CDH4: variants seen among roughly 807,000 people sequenced by gnomAD.
CDH4 encodes the protein cadherin 4.
In CDH4, 33 loss-of-function variants were observed where a neutral mutation model predicts 86.0. The ratio of observed to expected loss-of-function variants is 0.38; its 90% CI spans 0.29 to 0.51. The LOEUF (loss-of-function observed/expected upper bound fraction) is 0.51. Ranked by LOEUF, CDH4 falls within the 20% of genes least tolerant of loss-of-function variation. The pLI, the probability that CDH4 is intolerant of heterozygous loss-of-function variation, is 0.86. For missense variants in CDH4, 1,114 were observed against 1,307.4 expected (o/e 0.85, Z 2.28); for synonymous variants, 555 against 549.4 (o/e 1.01, Z -0.14).
At chr20:61,682,280 G>GGACA (rs1390967071) in intron 2 of CDH4, among the ~76,000 whole-genome samples, 1 of 151,684 alleles carries the variant, frequency 6.6e-6, no homozygotes, top group African/African-American at 2.4e-5. Context: ...ATGGATGGAT[G>GGACA]GACAGGTGGA....
intron 2 of CDH4, among the ~76,000 whole-genome samples, chr20:61,386,697 G>A (rs2084953012): frequency 6.6e-6 from 1 of 152,234 alleles, no homozygotes; most frequent in African/African-American, 2.4e-5. Context: ...TCATCGGATT[G>A]TTTCAGGGTT....
chr20:61,356,811 A>G (rs28705899), intron 2 of CDH4, among the ~76,000 whole-genome samples: 28 of 152,292 alleles, frequency 1.8e-4, no homozygotes, highest in African/African-American at 6.7e-4. Context: ...AGTTTTGGAT[A>G]CTTAGTTAAA....
At chr20:61,686,584 C>CAT (rs2087579443) in intron 2 of CDH4, among the ~76,000 whole-genome samples, 1 of 143,868 alleles carries the variant, frequency 7.0e-6, no homozygotes, top group South Asian at 2.2e-4. Context: ...TGTGTGCATT[C>CAT]ATGTGTGTGC....
intron 2 of CDH4, among the ~76,000 whole-genome samples, chr20:61,419,531 A>G (rs367633127): frequency 4.9e-4 from 74 of 152,306 alleles, no homozygotes; most frequent in African/African-American, 1.6e-3. Flanking sequence ...GCACAGAGCT[A>G]GGAGAGGGGA....
chr20:61,926,298 T>C (rs1262463783), intron 11 of CDH4, among the ~76,000 whole-genome samples: 1 of 152,198 alleles, frequency 6.6e-6, no homozygotes, highest in East Asian at 1.9e-4. Flanking sequence ...GAGGCGGGGC[T>C]GTGTCTGGTC....
intron 11 of CDH4, among the ~76,000 whole-genome samples, chr20:61,927,436 C>T (rs567614242): frequency 6.6e-6 from 1 of 152,210 alleles, no homozygotes; most frequent in Non-Finnish European, 1.5e-5. Context: ...TCATCGGGTC[C>T]TCCAAGGAGA....
chr20:61,305,237 T>C (rs2084410281), intron 2 of CDH4, among the ~76,000 whole-genome samples: 1 of 152,170 alleles, frequency 6.6e-6, no homozygotes, highest in South Asian at 2.1e-4. Context: ...TTTTTGTTTT[T>C]CTTTGTCTGG....
intron 2 of CDH4, among the ~76,000 whole-genome samples, chr20:61,692,308 T>C (rs1053629905): frequency 9.2e-5 from 14 of 152,128 alleles, no homozygotes; most frequent in African/African-American, 3.4e-4. Flanking sequence ...TGTGTGTGTA[T>C]GTAACTTGTT....
intron 9 of CDH4, among the ~76,000 whole-genome samples, chr20:61,921,372 C>A (rs928060206): frequency 6.6e-6 from 1 of 152,278 alleles, no homozygotes; most frequent in Non-Finnish European, 1.5e-5. Context: ...GCGTGGCAAT[C>A]TGCACTTTTT....
chr20:61,697,417 G>C (rs1239719167), intron 2 of CDH4, among the ~76,000 whole-genome samples: 1 of 152,100 alleles, frequency 6.6e-6, no homozygotes, highest in African/African-American at 2.4e-5. Context: ...GGCCAACATG[G>C]TAAAACCCCG....
chr20:61,931,009 C>T (rs1648471869), intron 13 of CDH4, among the ~76,000 whole-genome samples: 1 of 152,194 alleles, frequency 6.6e-6, no homozygotes, highest in Non-Finnish European at 1.5e-5. Flanking sequence ...GCAGTGGGGC[C>T]GGGGCCACGG....
chr20:61,366,386 C>T lies in CDH4; in HGVS notation c.169+111449C>T, dbSNP rs756861787. ...GGCTGGGGAGGTGCCAAGACCAGCT[C>T]GGTCGGGGAGACCCTAACCCAGCGG... is the stretch of plus-strand genomic sequence containing the variant. On this transcript the variant is annotated intron_variant, in intron 2 of 15. Coordinates refer to ENST00000614565, the MANE Select transcript of CDH4 (RefSeq NM_001794.5). Among the ~76,000 whole-genome samples, 8 of 152,244 alleles carry T rather than the reference C, an allele frequency of 5.3e-5. No homozygotes were observed. In the South Asian group the frequency reaches 8.3e-4, roughly 16 times the overall value.
chr20:61,627,656 G>C (rs925638645), intron 2 of CDH4, among the ~76,000 whole-genome samples: 4 of 152,120 alleles, frequency 2.6e-5, no homozygotes, highest in Non-Finnish European at 5.9e-5. Flanking sequence ...TTGTGTGCCT[G>C]GTAGAGCTGA....
chr20:61,907,422 G>A (rs1211500265), intron 8 of CDH4, among the ~76,000 whole-genome samples: 1 of 151,970 alleles, frequency 6.6e-6, no homozygotes, highest in African/African-American at 2.4e-5. Context: ...CTGCAGGGCT[G>A]AGATCAGGCA....
chr20:61,845,021 G>A (rs996260610), intron 5 of CDH4, among the ~76,000 whole-genome samples, 198 bp downstream of exon 5: 1 of 152,254 alleles, frequency 6.6e-6, no homozygotes, highest in African/African-American at 2.4e-5. Flanking sequence ...ATTCAGCAGG[G>A]TGGGCCCAGG....
At chr20:61,567,731 C>T (rs2086310660) in intron 2 of CDH4, among the ~76,000 whole-genome samples, 1 of 152,200 alleles carries the variant, frequency 6.6e-6, no homozygotes, top group Non-Finnish European at 1.5e-5. Flanking sequence ...GCCAGAATCC[C>T]AACACTCTGG....
intron 2 of CDH4, among the ~76,000 whole-genome samples, chr20:61,364,153 T>C (rs889582022): frequency 6.6e-6 from 1 of 152,216 alleles, no homozygotes; most frequent in Non-Finnish European, 1.5e-5. Context: ...CGATTCCAGC[T>C]GTGCTCTCTC....
chr20:61,591,143 A>C (rs2086516774), intron 2 of CDH4, among the ~76,000 whole-genome samples: 1 of 152,210 alleles, frequency 6.6e-6, no homozygotes, highest in Non-Finnish European at 1.5e-5. Context: ...GGCTGCACCC[A>C]TTGATAAGTA....
chr20:61,294,167 A>G (rs1352564040), intron 2 of CDH4, among the ~76,000 whole-genome samples: 3 of 151,364 alleles, frequency 2.0e-5, no homozygotes, highest in Admixed American at 6.6e-5. Flanking sequence ...CCACCCCCGC[A>G]CTCCCTGATC....
Sources: allele counts gnomAD v4.1 joint callset (sites outside exome capture counted in the v4.1 genomes callset), GRCh38; gene constraint gnomAD v4.1.1; transcripts MANE v1.5; gene names NCBI Gene and HGNC (gene_info 2026-07-23, HGNC 2026-07-21).